The following FOXP1 variants were observed in gnomAD, a reference collection of about 807,000 sequenced individuals.
The protein encoded by FOXP1 is forkhead box protein P1.
A neutral mutation model predicts 98.2 loss-of-function variants in FOXP1; 15 were observed. The observed-to-expected ratio is 0.15, with a 90% CI of 0.10 to 0.24. The LOEUF (loss-of-function observed/expected upper bound fraction) is 0.24. Ranked by LOEUF, FOXP1 falls within the 10% of genes least tolerant of loss-of-function variation. FOXP1 has a pLI of 1.00. For synonymous variants in FOXP1, 371 were observed against 314.5 expected (o/e 1.18, Z -1.90); for missense variants, 633 against 848.5 (o/e 0.75, Z 3.15).
chr3:71,062,295 C>G (rs2051622991), intron 7 of FOXP1, among the ~76,000 whole-genome samples: 1 of 152,192 alleles, frequency 6.6e-6, no homozygotes, highest in Non-Finnish European at 1.5e-5. Context: ...TCTAAAATCC[C>G]TGTCAAATGA....
At chr3:71,020,184 T>C (rs932857419) in intron 11 of FOXP1, among the ~76,000 whole-genome samples, 1 of 152,170 alleles carries the variant, frequency 6.6e-6, no homozygotes. Flanking sequence ...AACACAAAAA[T>C]AGTGATAGCA....
chr3:71,106,110 G>C (rs1319312229), intron 7 of FOXP1, among the ~76,000 whole-genome samples: 1 of 152,108 alleles, frequency 6.6e-6, no homozygotes, highest in East Asian at 1.9e-4. Context: ...TAATCTCTCT[G>C]TTTCCATCTT....
chr3:71,502,323 C>A (rs934836843), intron 2 of FOXP1, among the ~76,000 whole-genome samples: 3 of 152,222 alleles, frequency 2.0e-5, no homozygotes, highest in Non-Finnish European at 4.4e-5. Flanking sequence ...GTCAAGTGAA[C>A]AGAGAGCTGG....
intron 11 of FOXP1, among the ~76,000 whole-genome samples, chr3:71,027,909 T>C (rs555524360): frequency 6.6e-6 from 1 of 152,160 alleles, no homozygotes; most frequent in African/African-American, 2.4e-5. Flanking sequence ...CAACTTTAAG[T>C]AAGTTCTCAT....
chr3:71,119,941 A>T (rs2058641345), intron 6 of FOXP1, among the ~76,000 whole-genome samples: 1 of 152,244 alleles, frequency 6.6e-6, no homozygotes, highest in South Asian at 2.1e-4. Context: ...TTGTAACAAG[A>T]CAATGGAAAA....
chr3:70,957,241 C>G lies in FOXP1; in HGVS notation c.*2006G>C, dbSNP rs1022626085. The G allele has an allele frequency of 1.2e-4, 27 of 224,560 alleles. No homozygotes were observed. In the East Asian group the frequency reaches 1.6e-3, roughly 14 times the overall value. 13.9% of individuals were successfully genotyped at this position (224,560 alleles called of 1,614,324 possible). On this transcript the variant is annotated 3_prime_UTR_variant, in exon 21 of 21. Transcript: ENST00000649528. ...TATCTGCAGTAGCCCCATAAAATCT[C>G]TTTAAGAGAATGAGTTTTGGTCTCT...
At chr3:71,053,564 G>C (rs1333252645) in intron 8 of FOXP1, 72 bp downstream of exon 8, 3 of 1,586,432 alleles carry the variant, frequency 1.9e-6, no homozygotes, top group Non-Finnish European at 2.6e-6. Context: ...GTGGAGGGGA[G>C]ATTGCGAATG....
intron 13 of FOXP1, among the ~76,000 whole-genome samples, chr3:70,991,288 G>A (rs989252042): frequency 3.9e-5 from 6 of 151,984 alleles, no homozygotes; most frequent in Non-Finnish European, 8.8e-5. Context: ...CCCTCATCTT[G>A]GGCAAATATT....
At chr3:71,066,477 T>G (rs187032853) in intron 7 of FOXP1, among the ~76,000 whole-genome samples, 2 of 152,314 alleles carry the variant, frequency 1.3e-5, no homozygotes, top group African/African-American at 4.8e-5. Context: ...AGGGCTCTTT[T>G]GCGAGGTAGA....
intron 17 of FOXP1, among the ~76,000 whole-genome samples, chr3:70,975,528 T>C (rs2037316411): frequency 6.6e-6 from 1 of 152,234 alleles, no homozygotes; most frequent in Admixed American, 6.5e-5. Context: ...TTTCTGTCTT[T>C]TGCTTTGGTT....
chr3:71,060,723 C>T (rs2051359078), intron 7 of FOXP1, among the ~76,000 whole-genome samples: 1 of 152,082 alleles, frequency 6.6e-6, no homozygotes, highest in African/African-American at 2.4e-5. Context: ...CAGAAGCCGA[C>T]CTTTTTGATG....
intron 5 of FOXP1, among the ~76,000 whole-genome samples, chr3:71,270,663 G>C (rs1342255549): frequency 6.6e-6 from 1 of 152,168 alleles, no homozygotes; most frequent in African/African-American, 2.4e-5. Flanking sequence ...AGCAGGGATG[G>C]GGCCCACCGT....
chr3:71,320,238 G>A (rs1419471859), intron 4 of FOXP1, among the ~76,000 whole-genome samples: 1 of 151,996 alleles, frequency 6.6e-6, no homozygotes, highest in East Asian at 1.9e-4. Flanking sequence ...TCCCATCCCA[G>A]CTGAACAATT....
chr3:71,328,464 A>T (rs1000350950), intron 4 of FOXP1, among the ~76,000 whole-genome samples: 1 of 152,150 alleles, frequency 6.6e-6, no homozygotes, highest in Admixed American at 6.5e-5. Flanking sequence ...CTTTCATATG[A>T]GATGCCTGCT....
intron 1 of FOXP1, 88 bp from the exon 2 acceptor site, chr3:71,581,785 G>A (rs1264415426): frequency 3.0e-6 from 3 of 985,686 alleles, no homozygotes; most frequent in Admixed American, 6.1e-5. Context: ...CGGGTGAGTA[G>A]GCCGAGGGGC....
chr3:71,428,315 C>CT (rs1470448392), intron 3 of FOXP1, among the ~76,000 whole-genome samples: 1 of 152,228 alleles, frequency 6.6e-6, no homozygotes, highest in African/African-American at 2.4e-5. Flanking sequence ...GTGGGACACT[C>CT]TGTCAAGTCC....
chr3:71,100,649 C>T (rs2056872325), intron 7 of FOXP1, among the ~76,000 whole-genome samples: 2 of 152,178 alleles, frequency 1.3e-5, no homozygotes, highest in Admixed American at 1.3e-4. Context: ...ACAATTTAAT[C>T]ACCAAAGGTC....
At chr3:71,405,656 T>C (rs1257169097) in intron 3 of FOXP1, among the ~76,000 whole-genome samples, 1 of 152,180 alleles carries the variant, frequency 6.6e-6, no homozygotes, top group Non-Finnish European at 1.5e-5. Flanking sequence ...AAGGCCAATG[T>C]CCAGGTCAAC....
chr3:71,409,231 C>A (rs2082553476), intron 3 of FOXP1, among the ~76,000 whole-genome samples: 1 of 152,148 alleles, frequency 6.6e-6, no homozygotes, highest in Admixed American at 6.5e-5. Flanking sequence ...GTCTCCATTT[C>A]TTTATCCTGA....
Sources: gnomAD v4.1 joint callset for allele counts (sites outside exome capture counted in the v4.1 genomes callset) on GRCh38, gnomAD v4.1.1 for gene constraint, MANE v1.5 for transcripts, NCBI Gene and HGNC (gene_info 2026-07-23, HGNC 2026-07-21) for gene names.